Variants in PILRA observed in about 807,000 individuals in gnomAD.
PILRA encodes paired immunoglobin like type 2 receptor alpha.
Under a neutral mutation model 33.1 loss-of-function variants are expected in PILRA, and 37 were observed. The observed-to-expected ratio is 1.12, with a 90% CI of 0.86 to 1.47. PILRA has a LOEUF of 1.47. Among genes scored for constraint, PILRA ranks in the 40% most tolerant of loss-of-function variants. The pLI, the probability that PILRA is intolerant of heterozygous loss-of-function variation, is 0.00. For missense variants in PILRA, 312 were observed against 376.2 expected (o/e 0.83, Z 1.41); for synonymous variants, 146 against 149.9 (o/e 0.97, Z 0.19).
intron 2 of PILRA, among the ~76,000 whole-genome samples, chr7:100,389,473 G>C (rs1486175155): frequency 6.6e-6 from 1 of 152,084 alleles, no homozygotes; most frequent in Admixed American, 6.6e-5. Context: ...CTATTTGTGA[G>C]TGAGGAGATG....
Position 100,373,492 on chromosome 7 carries a change from G to A in PILRA, c.-165G>A, listed in dbSNP as rs1790863023. 3 of 721,590 alleles carry A rather than the reference G, an allele frequency of 4.2e-6. No individual in the cohort carries two copies. Among genetic ancestry groups the A allele is most frequent in the Non-Finnish European group, 7.3e-6 (3 of 412,622 alleles). 44.7% of individuals were successfully genotyped at this position (721,590 alleles called of 1,614,324 possible). On this transcript the variant is annotated 5_prime_UTR_variant, in exon 1 of 7. Transcript: ENST00000198536. Reference sequence around the variant, plus strand: ...GGATAAAGGAAGTGCTGGTCACCCTGGAGGTGCACTGGTTTGGGGAAGGCT... The same window carrying A: ...GGATAAAGGAAGTGCTGGTCACCCTAGAGGTGCACTGGTTTGGGGAAGGCT...
chr7:100,372,661 C>G (rs1790847596), upstream of PILRA, among the ~76,000 whole-genome samples: 1 of 152,196 alleles, frequency 6.6e-6, no homozygotes, highest in Non-Finnish European at 1.5e-5. Flanking sequence ...GCTTCTGGAT[C>G]AGCCAAGGGC....
intron 2 of PILRA, among the ~76,000 whole-genome samples, chr7:100,380,605 G>GGGCAACATAGCAAGAATCT (rs1202301290): frequency 6.6e-6 from 1 of 152,126 alleles, no homozygotes; most frequent in Admixed American, 6.5e-5. Flanking sequence ...AGACCAGCCT[G>GGGCAACATAGCAAGAATCT]GGCAACATAG....
At chr7:100,392,478 C>T (rs1791407649) in intron 3 of PILRA, among the ~76,000 whole-genome samples, 1 of 152,132 alleles carries the variant, frequency 6.6e-6, no homozygotes, top group Admixed American at 6.5e-5. Flanking sequence ...GTGGGGTTGT[C>T]CTGATGATTA....
At chr7:100,386,585 A>G (rs1382661078) in intron 2 of PILRA, among the ~76,000 whole-genome samples, 9 of 152,008 alleles carry the variant, frequency 5.9e-5, no homozygotes, top group Non-Finnish European at 1.5e-5. Context: ...TGGCACAATC[A>G]TAGATCACTG....
chr7:100,376,714 G>C (rs541054595), intron 2 of PILRA, among the ~76,000 whole-genome samples: 1 of 147,036 alleles, frequency 6.8e-6, no homozygotes, highest in East Asian at 2.0e-4. Context: ...TGCCCAGCTT[G>C]GCCTCCCAAA....
chr7:100,388,835 C>G (rs1318924710), intron 2 of PILRA, among the ~76,000 whole-genome samples: 1 of 143,038 alleles, frequency 7.0e-6, no homozygotes, highest in Non-Finnish European at 1.5e-5. Flanking sequence ...TTTAGTCAAA[C>G]TCATGGAGAC....
chr7:100,371,494 C>A (rs992985256), upstream of PILRA, among the ~76,000 whole-genome samples: 2 of 152,030 alleles, frequency 1.3e-5, no homozygotes, highest in African/African-American at 4.8e-5. Flanking sequence ...GGGCTGGGGG[C>A]AGGGACGGAT....
rs1162795605 is a variant in PILRA, at chr7:100,373,689, C to T, written c.33C>T (p.Pro11=). The change falls in exon 1 of 7, where the codon CCC becomes CCT. Residue 11 remains proline, a synonymous_variant. Coordinates refer to ENST00000198536, the MANE Select transcript of PILRA (RefSeq NM_013439.3). MGRPLLLPLL[P]LLLPPAFLQP... is the part of the protein sequence containing the mutation. ...GGCCCCTGCTGCTGCCCCTACTGCCCTTGCTGCTGCCGCCAGCATTTCTGC... is the reference window on the plus strand; with the variant it reads ...GGCCCCTGCTGCTGCCCCTACTGCCTTTGCTGCTGCCGCCAGCATTTCTGC... 1.9e-6 allele frequency: 3 copies of T among 1,612,994 alleles called. No homozygotes were observed. Among genetic ancestry groups the T allele is most frequent in the African/African-American group, 1.3e-5 (1 of 74,886 alleles).
chr7:100,392,968 C>T (rs571116788), intron 3 of PILRA, among the ~76,000 whole-genome samples: 2 of 152,246 alleles, frequency 1.3e-5, no homozygotes, highest in African/African-American at 4.8e-5. Context: ...TGACCAAGCC[C>T]CAAAGCCATG....
At chr7:100,385,712 C>T (rs564881989) in intron 2 of PILRA, among the ~76,000 whole-genome samples, 1 of 152,244 alleles carries the variant, frequency 6.6e-6, no homozygotes, top group African/African-American at 2.4e-5. Context: ...TCACTGCAAC[C>T]TCTGCCTCCC....
chr7:100,371,901 A>G (rs1790823040), upstream of PILRA, among the ~76,000 whole-genome samples: 1 of 152,222 alleles, frequency 6.6e-6, no homozygotes, highest in Non-Finnish European at 1.5e-5. Flanking sequence ...AGTGACATAA[A>G]CATGCATGTT....
At chr7:100,382,679 T>C (rs992342977) in intron 2 of PILRA, among the ~76,000 whole-genome samples, 3 of 152,238 alleles carry the variant, frequency 2.0e-5, no homozygotes, top group Non-Finnish European at 4.4e-5. Context: ...ATCAACTGGC[T>C]CTGGTTCTCT....
upstream of PILRA, among the ~76,000 whole-genome samples, chr7:100,372,149 A>G: frequency 6.6e-6 from 1 of 152,182 alleles, no homozygotes; most frequent in East Asian, 1.9e-4. Context: ...TTCAGCCCAA[A>G]GCCCCCGTCC....
rs775904924 is a variant in PILRA, at chr7:100,399,843, C to T, written c.848C>T (p.Pro283Leu). The T allele has an allele frequency of 5.0e-6, 8 of 1,613,742 alleles. No homozygotes were observed. Among genetic ancestry groups the T allele is most frequent in the Non-Finnish European group, 5.9e-6 (7 of 1,179,836 alleles). ...ALSSSTSPRA[P>L]PSHRPLKSPQ... Reference sequence around the variant, plus strand: ...TCCAGCTCCACCTCACCCAGAGCACCTCCCAGCCACCGTCCCCTCAAGAGC... The same window carrying T: ...TCCAGCTCCACCTCACCCAGAGCACTTCCCAGCCACCGTCCCCTCAAGAGC... The change falls in exon 7 of 7, where the codon CCT becomes CTT. Residue 283 changes from proline to leucine, a missense_variant. Pro to Leu is a moderately conservative substitution (Grantham distance 98). Coordinates refer to ENST00000198536, the MANE Select transcript of PILRA (RefSeq NM_013439.3).
intron 3 of PILRA, among the ~76,000 whole-genome samples, chr7:100,395,439 C>T (rs1791474365): frequency 6.6e-6 from 1 of 152,160 alleles, no homozygotes; most frequent in Non-Finnish European, 1.5e-5. Flanking sequence ...CTTGGATTTC[C>T]CAGCCTCCAG....
At position 100,374,372 on chromosome 7, in the gene PILRA, A is replaced by C. The variant is rs567501556; in HGVS notation, c.393A>C (p.Thr131=). ...SVYFCRVELD[T]RSSGRQQWQS... ...ATTTCTGCCGAGTTGAGCTGGACAC[A>C]CGGAGCTCAGGGAGGCAGCAGTGGC... The change falls in exon 2 of 7, where the codon ACA becomes ACC. Residue 131 remains threonine (T), a synonymous_variant. Coordinates refer to ENST00000198536, the MANE Select transcript of PILRA (RefSeq NM_013439.3). 29 of 1,614,050 alleles carry C rather than the reference A, an allele frequency of 1.8e-5. No homozygotes were observed. Among genetic ancestry groups the C allele is most frequent in the South Asian group, 1.8e-4 (16 of 91,080 alleles).
chr7:100,393,448 T>C (rs1437886015), intron 3 of PILRA, among the ~76,000 whole-genome samples: 1 of 152,104 alleles, frequency 6.6e-6, no homozygotes, highest in Non-Finnish European at 1.5e-5. Context: ...AGGATTCAGC[T>C]CAGATACGAA....
At chr7:100,382,587 G>A (rs962863872) in intron 2 of PILRA, among the ~76,000 whole-genome samples, 3 of 151,992 alleles carry the variant, frequency 2.0e-5, no homozygotes, top group Non-Finnish European at 4.4e-5. Flanking sequence ...CAGACCAATC[G>A]GCTCTCTGTA....
Sources: gnomAD v4.1 joint callset for allele counts (sites outside exome capture counted in the v4.1 genomes callset) on GRCh38, gnomAD v4.1.1 for gene constraint, MANE v1.5 for transcripts, NCBI Gene and HGNC (gene_info 2026-07-23, HGNC 2026-07-21) for gene names.